Variants in GPC5 observed in about 807,000 individuals in gnomAD.
GPC5 encodes the protein glypican 5.
In GPC5, 47 loss-of-function variants were observed where a neutral mutation model predicts 53.9. The ratio of observed to expected loss-of-function variants is 0.87; its 90% CI spans 0.69 to 1.11. GPC5 has a LOEUF of 1.11. Ranked by LOEUF, GPC5 falls within the 50% of genes most tolerant of loss-of-function variation. The probability of loss-of-function intolerance (pLI) is 0.00; values close to 1 mark genes in which losing one functional copy is unlikely to be tolerated. For synonymous variants in GPC5, 286 were observed against 263.3 expected (o/e 1.09, Z -0.84); for missense variants, 748 against 713.1 (o/e 1.05, Z -0.56).
At chr13:92,351,349 A>G (rs561284774) in intron 7 of GPC5, among the ~76,000 whole-genome samples, 2 of 151,980 alleles carry the variant, frequency 1.3e-5, no homozygotes, top group East Asian at 3.9e-4. Context: ...AACACAATTT[A>G]TCAGAATCGA....
Position 91,647,067 on chromosome 13 carries a change from ATGCGTGTGTGTGTGTGTGTG to A in GPC5, c.326-46117_326-46098del, listed in dbSNP as rs766805181. Among the ~76,000 whole-genome samples the A allele has an allele frequency of 5.1e-3, 650 of 127,756 alleles. 3 individuals are homozygous for A. The highest frequency in any genetic ancestry group is 0.018 in the African/African-American group (627 of 35,646). 83.8% of individuals were successfully genotyped at this position (127,756 alleles called of 152,430 possible). A position where few individuals can be genotyped will look rare whatever the true frequency, so the allele number is the denominator to read the frequency against. On this transcript the variant is annotated intron_variant, in intron 2 of 7. Coordinates refer to ENST00000377067, the MANE Select transcript of GPC5 (RefSeq NM_004466.6). Reference sequence around the variant, plus strand: ...ACAACTTGCTAAGGATAATATATATATGCGTGTGTGTGTGTGTGTGTGTGTGTGTGTGTGTGTGTGTGTGT... The same window carrying A: ...ACAACTTGCTAAGGATAATATATATATGTGTGTGTGTGTGTGTGTGTGTGT...
intron 1 of GPC5, among the ~76,000 whole-genome samples, chr13:91,423,533 C>T (rs1878789697): frequency 6.6e-6 from 1 of 151,966 alleles, no homozygotes; most frequent in Non-Finnish European, 1.5e-5. Context: ...GCTTAAGAAG[C>T]CTACTATGTA....
intron 1 of GPC5, among the ~76,000 whole-genome samples, chr13:91,407,710 C>T (rs1346642231): frequency 6.6e-6 from 1 of 152,136 alleles, no homozygotes; most frequent in African/African-American, 2.4e-5. Context: ...TATTCCTGAG[C>T]TGATCATTGT....
At chr13:92,356,122 C>A (rs993441311) in intron 7 of GPC5, among the ~76,000 whole-genome samples, 1 of 152,158 alleles carries the variant, frequency 6.6e-6, no homozygotes, top group African/African-American at 2.4e-5. Flanking sequence ...CTGGCCAGAA[C>A]TATCCAGTGT....
At chr13:92,061,393 A>G (rs1262960123) in intron 6 of GPC5, among the ~76,000 whole-genome samples, 3 of 152,088 alleles carry the variant, frequency 2.0e-5, no homozygotes, top group Non-Finnish European at 4.4e-5. Flanking sequence ...ATTGAGTTAT[A>G]GAATTTGTTT....
chr13:91,641,188 C>T (rs370189565), intron 2 of GPC5, among the ~76,000 whole-genome samples: 1 of 151,884 alleles, frequency 6.6e-6, no homozygotes, highest in African/African-American at 2.4e-5. Context: ...ATTAGCCAGG[C>T]GTGGTGGCGG....
In GPC5 at chr13:91,828,505, T is replaced by C. The variant is rs189583924; in HGVS notation, c.1280+72085T>C. On this transcript the variant is annotated intron_variant, in intron 5 of 7. Coordinates refer to ENST00000377067, the MANE Select transcript of GPC5 (RefSeq NM_004466.6). ...GCAATGATCATGACTATCTCGCAGA[T>C]CCTGGTTTTCAAATATCATTCTCCA... is the stretch of plus-strand genomic sequence containing the variant. Among the ~76,000 whole-genome samples, 69 of 152,158 alleles carry C rather than the reference T, an allele frequency of 4.5e-4. 1 individual carries two copies. The highest frequency in any genetic ancestry group is 1.6e-3 in the African/African-American group (66 of 41,542).
intron 5 of GPC5, among the ~76,000 whole-genome samples, chr13:91,820,064 T>C (rs1163418890): frequency 6.6e-6 from 1 of 152,290 alleles, no homozygotes; most frequent in East Asian, 1.9e-4. Flanking sequence ...AGTCCTGTCT[T>C]TATCTTAATA....
intron 2 of GPC5, among the ~76,000 whole-genome samples, chr13:91,636,426 AGTGTGTGTGTATTT>A (rs954024805): frequency 2.0e-5 from 3 of 151,644 alleles, no homozygotes; most frequent in Non-Finnish European, 4.4e-5. Flanking sequence ...ACGTGTGTGC[AGTGTGTGTGTATTT>A]GTGTGTGTGT....
intron 2 of GPC5, among the ~76,000 whole-genome samples, chr13:91,452,768 T>A (rs140133327): frequency 0.01 from 1,570 of 152,180 alleles, 27 homozygotes; most frequent in African/African-American, 0.036. Context: ...TTTAGTTTTT[T>A]AATTTGTAAC....
At position 91,399,183 on chromosome 13, in the gene GPC5, G is replaced by C. The variant is rs1407116138; in HGVS notation, c.137G>C (p.Arg46Thr). 8.1e-6 allele frequency: 13 copies of C among 1,612,528 alleles called. No homozygotes were observed. The highest frequency in any genetic ancestry group is 1.1e-5 in the Non-Finnish European group (13 of 1,179,660). ...LFQWRLLGAV[R>T]GLPDSPRAGP... Reference sequence around the variant, plus strand: ...CAGTGGCGGCTGCTGGGAGCTGTCAGGGGGCTGCCGGATTCGCCGCGGGCA... The same window carrying C: ...CAGTGGCGGCTGCTGGGAGCTGTCACGGGGCTGCCGGATTCGCCGCGGGCA... The change falls in exon 1 of 8, where the codon AGG (arginine) becomes ACG (threonine). Residue 46 changes from arginine (R) to threonine (T), a missense_variant. Physicochemically the swap from Arg to Thr is moderately conservative, Grantham distance 71. Transcript: ENST00000377067.
In GPC5 at chr13:91,840,042, C is replaced by T. The variant is rs186964285; in HGVS notation, c.1281-67895C>T. Among the ~76,000 whole-genome samples, 306 of 152,078 alleles carry T rather than the reference C, an allele frequency of 2.0e-3. 2 individuals carry two copies. The highest frequency in any genetic ancestry group is 3.9e-3 in the Non-Finnish European group (264 of 67,966). On this transcript the variant is annotated intron_variant, in intron 5 of 7. Coordinates refer to ENST00000377067, the MANE Select transcript of GPC5 (RefSeq NM_004466.6). ...ATATACATTCCTTTTTGTAATAATT[C>T]AAACTATGTGAATGAATTAGACTTC...
intron 7 of GPC5, among the ~76,000 whole-genome samples, chr13:92,237,281 G>T (rs754533858): frequency 6.6e-6 from 1 of 152,070 alleles, no homozygotes; most frequent in Non-Finnish European, 1.5e-5. Context: ...GTGCAGTGGC[G>T]TAATCTCAGC....
At chr13:92,341,878 G>A (rs1476856502) in intron 7 of GPC5, among the ~76,000 whole-genome samples, 2 of 152,112 alleles carry the variant, frequency 1.3e-5, no homozygotes, top group East Asian at 1.9e-4. Flanking sequence ...CAATAAAAAT[G>A]TCAAATGTAA....
intron 7 of GPC5, among the ~76,000 whole-genome samples, chr13:92,391,525 A>T (rs962130894): frequency 5.3e-5 from 8 of 152,174 alleles, no homozygotes; most frequent in African/African-American, 1.9e-4. Context: ...CTTTATGTGC[A>T]TCATTATGAT....
At chr13:91,669,587 T>G (rs1201240234) in intron 2 of GPC5, among the ~76,000 whole-genome samples, 1 of 152,178 alleles carries the variant, frequency 6.6e-6, no homozygotes, top group Non-Finnish European at 1.5e-5. Context: ...AGCACTTTAC[T>G]GAGACGATAA....
At chr13:91,511,673 C>T (rs1406272876) in intron 2 of GPC5, among the ~76,000 whole-genome samples, 1 of 151,968 alleles carries the variant, frequency 6.6e-6, no homozygotes, top group African/African-American at 2.4e-5. Context: ...TTCTTCATTT[C>T]TGATCACATA....
chr13:92,461,117 G>A (rs1273125590), intron 7 of GPC5, among the ~76,000 whole-genome samples: 1 of 152,010 alleles, frequency 6.6e-6, no homozygotes, highest in South Asian at 2.1e-4. Context: ...AATAAATCCT[G>A]TAAACTTTCT....
intron 7 of GPC5, among the ~76,000 whole-genome samples, chr13:92,658,209 A>C (rs2139179162): frequency 6.6e-6 from 1 of 152,278 alleles, no homozygotes; most frequent in East Asian, 1.9e-4. Flanking sequence ...CCACCATCAT[A>C]CATGAGATAT....
Sources: gnomAD v4.1 joint callset for allele counts (sites outside exome capture counted in the v4.1 genomes callset) on GRCh38, gnomAD v4.1.1 for gene constraint, MANE v1.5 for transcripts, NCBI Gene and HGNC (gene_info 2026-07-23, HGNC 2026-07-21) for gene names.